The following GCNT4 variants were observed in gnomAD, a reference collection of about 807,000 sequenced individuals.
GCNT4 encodes the protein beta-1,3-galactosyl-O-glycosyl-glycoprotein beta-1,6-N-acetylglucosaminyltransferase 4.
GCNT4 carries 17 observed loss-of-function variants against 31.3 expected under a neutral mutation model. That is an observed-to-expected ratio of 0.54 (90% CI 0.37 to 0.81). GCNT4 has a LOEUF of 0.81. Ranked by LOEUF, GCNT4 falls within the 40% of genes least tolerant of loss-of-function variation. GCNT4 has a pLI of 0.00. For synonymous variants in GCNT4, 158 were observed against 190.6 expected (o/e 0.83, Z 1.41); for missense variants, 503 against 525.5 (o/e 0.96, Z 0.42).
chr5:75,031,261 G>A (rs541174601), intron 3 of GCNT4, among the ~76,000 whole-genome samples: 3 of 152,086 alleles, frequency 2.0e-5, no homozygotes, highest in South Asian at 2.1e-4. Context: ...TAGTAGGGAC[G>A]GAGTCTCACT....
intron 3 of GCNT4, among the ~76,000 whole-genome samples, chr5:75,037,647 A>G (rs975682124): frequency 1.3e-5 from 2 of 152,074 alleles, no homozygotes; most frequent in African/African-American, 4.8e-5. Flanking sequence ...GACTGGCCTG[A>G]GTGCAGATCA....
chr5:75,017,710 C>T, the GCNT4 span, among the ~76,000 whole-genome samples: 1 of 152,136 alleles, frequency 6.6e-6, no homozygotes, highest in Non-Finnish European at 1.5e-5. Flanking sequence ...GGAGCCAGGA[C>T]CTCCACTTTC....
chr5:75,024,504 A>T (rs2149943903), downstream of GCNT4, among the ~76,000 whole-genome samples: 1 of 152,254 alleles, frequency 6.6e-6, no homozygotes, highest in East Asian at 1.9e-4. Context: ...TGAAAGAAAA[A>T]TGGCCAGGGA....
At chr5:75,045,340 A>G (rs1440401899) in intron 3 of GCNT4, among the ~76,000 whole-genome samples, 1 of 152,150 alleles carries the variant, frequency 6.6e-6, no homozygotes, top group African/African-American at 2.4e-5. Flanking sequence ...TGTTTCTACA[A>G]ATTTGTTTAC....
rs1217884009 is a variant in GCNT4, at chr5:75,029,880, G to A, written c.158C>T (p.Ser53Leu). The change falls in exon 4 of 4, where the codon TCG becomes TTG. Residue 53 changes from serine (S) to leucine (L), a missense_variant. Physicochemically the swap from Ser to Leu is moderately radical, Grantham distance 145. Transcript: ENST00000652361. The part of the protein sequence containing the change: ...IYLVEYSLST[S>L]PFVRNRYTHV... The stretch of plus-strand genomic sequence containing the variant: ...AGTGTATCTGTTTCTTACAAAAGGC[G>A]AGGTACTTAGGGAGTACTCAACCAA... 5.0e-6 allele frequency: 8 copies of A among 1,614,086 alleles called. No homozygotes were observed. Among genetic ancestry groups the A allele is most frequent in the Non-Finnish European group, 4.2e-6 (5 of 1,180,006 alleles).
chr5:75,018,995 C>G, the GCNT4 span, among the ~76,000 whole-genome samples: 1 of 152,088 alleles, frequency 6.6e-6, no homozygotes, highest in African/African-American at 2.4e-5. Context: ...TCAATCCTGG[C>G]TTACTTTTAT....
chr5:75,051,877 C>T (rs1454788130), intron 2 of GCNT4, among the ~76,000 whole-genome samples: 2 of 152,238 alleles, frequency 1.3e-5, no homozygotes, highest in Non-Finnish European at 2.9e-5. Context: ...TCAGCGGCCA[C>T]ACAGTTCCTT....
chr5:75,041,250 C>T (rs996816423), intron 3 of GCNT4, among the ~76,000 whole-genome samples: 2 of 151,948 alleles, frequency 1.3e-5, no homozygotes, highest in Admixed American at 6.6e-5. Context: ...TACACAAACA[C>T]ACCCTCACCC....
chr5:75,027,224 C>G lies in GCNT4; in HGVS notation c.*1452G>C, dbSNP rs1006993279. The G allele has an allele frequency of 2.8e-4, 41 of 145,730 alleles. No individual in the cohort carries two copies. Among genetic ancestry groups the G allele is most frequent in the African/African-American group, 1.0e-3 (41 of 39,194 alleles). The allele number at this position is 145,730 out of a possible 1,614,324, so 9.0% of individuals were successfully genotyped here. ...TATTCTCAGAACCCCATTCCTACCCCATTTTACTTCCAGAACAATTCCATT... is the reference window on the plus strand; with the variant it reads ...TATTCTCAGAACCCCATTCCTACCCGATTTTACTTCCAGAACAATTCCATT... On this transcript the variant is annotated 3_prime_UTR_variant, in exon 4 of 4. Coordinates refer to ENST00000652361, the MANE Select transcript of GCNT4 (RefSeq NM_001366737.1).
At chr5:75,041,197 C>A (rs910003542) in intron 3 of GCNT4, among the ~76,000 whole-genome samples, 2 of 152,208 alleles carry the variant, frequency 1.3e-5, no homozygotes, top group Admixed American at 6.5e-5. Flanking sequence ...CTAAGGACCA[C>A]GGAACCCACA....
downstream of GCNT4, among the ~76,000 whole-genome samples, chr5:75,023,481 C>G (rs911533152): frequency 3.3e-5 from 5 of 152,006 alleles, no homozygotes; most frequent in Admixed American, 3.3e-4. Flanking sequence ...CAAGGAGAAG[C>G]TGTACGAACA....
intron 3 of GCNT4, among the ~76,000 whole-genome samples, chr5:75,041,019 A>G (rs1743304165): frequency 6.6e-6 from 1 of 152,260 alleles, no homozygotes; most frequent in African/African-American, 2.4e-5. Flanking sequence ...AGCCAAGAGC[A>G]CGTGCAATCA....
intron 3 of GCNT4, among the ~76,000 whole-genome samples, chr5:75,037,445 A>G (rs1427769826): frequency 6.6e-6 from 1 of 152,268 alleles, no homozygotes; most frequent in Non-Finnish European, 1.5e-5. Context: ...CATACCAACT[A>G]TGCAAAACAC....
chr5:75,052,020 C>G (rs1317869093), intron 2 of GCNT4, 149 bp downstream of exon 2: 3 of 152,112 alleles, frequency 2.0e-5, no homozygotes, highest in Admixed American at 6.5e-5. Context: ...CACTTTTTCA[C>G]TTTTAAAGAT....
At chr5:75,051,060 C>T (rs1386335286) in intron 2 of GCNT4, among the ~76,000 whole-genome samples, 1 of 152,260 alleles carries the variant, frequency 6.6e-6, no homozygotes, top group East Asian at 1.9e-4. Context: ...CCATCCTCCC[C>T]TCAGGTCATA....
chr5:75,018,385 G>T, the GCNT4 span, among the ~76,000 whole-genome samples: 172 of 152,248 alleles, frequency 1.1e-3, no homozygotes, highest in African/African-American at 3.8e-3. Context: ...GGGTTCAAGC[G>T]ATTCTCCTGC....
chr5:75,053,002 G>A (rs1027846724), upstream of GCNT4, among the ~76,000 whole-genome samples: 3 of 152,014 alleles, frequency 2.0e-5, no homozygotes, highest in African/African-American at 4.8e-5. Flanking sequence ...GGGAAAGCCC[G>A]GCGCCGGCGC....
intron 3 of GCNT4, among the ~76,000 whole-genome samples, chr5:75,041,331 T>C (rs903608490): frequency 2.0e-5 from 3 of 152,190 alleles, no homozygotes; most frequent in African/African-American, 7.2e-5. Context: ...TGAATTGAGA[T>C]GCCCTCAACT....
At chr5:75,051,944 G>A (rs1272546043) in intron 2 of GCNT4, among the ~76,000 whole-genome samples, 1 of 152,096 alleles carries the variant, frequency 6.6e-6, no homozygotes, top group African/African-American at 2.4e-5. Flanking sequence ...CATCTTAACT[G>A]GTCATTTCTC....
Sources: gnomAD v4.1 joint callset for allele counts (sites outside exome capture counted in the v4.1 genomes callset) on GRCh38, gnomAD v4.1.1 for gene constraint, MANE v1.5 for transcripts, NCBI Gene and HGNC (gene_info 2026-07-23, HGNC 2026-07-21) for gene names.